PAFAH2: variants seen among roughly 807,000 people sequenced by gnomAD.
PAFAH2 encodes platelet activating factor acetylhydrolase 2.
In PAFAH2, 42 loss-of-function variants were observed where a neutral mutation model predicts 49.0. The observed-to-expected ratio is 0.86, with a 90% CI of 0.67 to 1.11. The LOEUF (loss-of-function observed/expected upper bound fraction) is 1.11. Ranked by LOEUF, PAFAH2 falls within the 50% of genes least tolerant of loss-of-function variation. The pLI, the probability that PAFAH2 is intolerant of heterozygous loss-of-function variation, is 0.00. For missense variants in PAFAH2, 503 were observed against 501.8 expected, an observed-to-expected ratio of 1.00 and a Z score of -0.02; for synonymous variants, 184 against 181.3, an observed-to-expected ratio of 1.01 and a Z score of -0.12.
chr1:25,980,794 G>A (rs2049675596), intron 7 of PAFAH2, among the ~76,000 whole-genome samples: 1 of 151,828 alleles, frequency 6.6e-6, no homozygotes, highest in South Asian at 2.1e-4. Flanking sequence ...AAGGCAGGTG[G>A]ACTGCCTGGG....
chr1:25,986,883 T>C (rs1331395202), intron 4 of PAFAH2, among the ~76,000 whole-genome samples: 1 of 152,154 alleles, frequency 6.6e-6, no homozygotes, highest in Non-Finnish European at 1.5e-5. Context: ...CAAATATTTA[T>C]TGAGTACCTA....
intron 9 of PAFAH2, 59 bp downstream of exon 9, chr1:25,974,421 C>T: frequency 7.1e-7 from 1 of 1,416,730 alleles, no homozygotes; most frequent in Non-Finnish European, 9.4e-7. Flanking sequence ...AAGTTAAGGG[C>T]ACCACAGCAA....
At chr1:25,978,425 C>T (rs921952736) in intron 7 of PAFAH2, among the ~76,000 whole-genome samples, 1 of 152,170 alleles carries the variant, frequency 6.6e-6, no homozygotes, top group African/African-American at 2.4e-5. Context: ...TATTTTTGTA[C>T]ATAACCACAT....
rs2049324673 is a variant in PAFAH2, at chr1:25,960,566, A to C, written c.*1423T>G. 3 of 152,696 alleles carry C rather than the reference A, an allele frequency of 2.0e-5. No homozygotes were observed. The highest frequency in any genetic ancestry group is 1.3e-4 in the Admixed American group (2 of 15,288). The allele number at this position is 152,696 out of a possible 1,614,324, so 9.5% of individuals were successfully genotyped here. A position where few individuals can be genotyped will look rare whatever the true frequency, so the allele number is the denominator to read the frequency against. On this transcript the variant is annotated 3_prime_UTR_variant, in exon 11 of 11. Transcript: ENST00000374282. ...AGAAAATTCCAACATAACATTAAGC[A>C]AACAAGAGTATTAATATCATTCATA...
Position 25,970,184 on chromosome 1 carries a change from C to T in PAFAH2, c.1084+2374G>A, listed in dbSNP as rs1038915675. ...AAGGCTAGTGTCCAGAGCACAGAGA[C>T]GGCCAGGCGCGATGGCTCACACCTG... On this transcript the variant is annotated intron_variant, in intron 10 of 10. Coordinates refer to ENST00000374282, the MANE Select transcript of PAFAH2 (RefSeq NM_000437.4). Among the ~76,000 whole-genome samples the T allele has an allele frequency of 5.9e-5, 9 of 152,256 alleles. No homozygotes were observed. In the South Asian group the frequency reaches 6.2e-4, roughly 11 times the overall value.
intron 10 of PAFAH2, among the ~76,000 whole-genome samples, chr1:25,962,649 C>A (rs2049356032): frequency 6.6e-6 from 1 of 151,928 alleles, no homozygotes. Context: ...CGTAGCAAGA[C>A]CTCAACTCTA....
chr1:25,989,683 G>A, intron 2 of PAFAH2, 82 bp from the exon 3 acceptor site: 2 of 1,194,226 alleles, frequency 1.7e-6, no homozygotes, highest in Non-Finnish European at 2.2e-6. Flanking sequence ...AGGTGTTTGG[G>A]GCACCAGCAA....
chr1:25,963,966 C>T (rs1475636128), intron 10 of PAFAH2, among the ~76,000 whole-genome samples: 2 of 152,096 alleles, frequency 1.3e-5, no homozygotes, highest in Non-Finnish European at 2.9e-5. Flanking sequence ...GTGCCTGGCG[C>T]GTTCGAGGCT....
intron 7 of PAFAH2, among the ~76,000 whole-genome samples, chr1:25,980,710 T>A (rs2049674040): frequency 6.6e-6 from 1 of 150,974 alleles, no homozygotes; most frequent in African/African-American, 2.4e-5. Flanking sequence ...TACAATACAA[T>A]ATGATATGGC....
chr1:25,982,609 C>T (rs2049708422), intron 6 of PAFAH2, 132 bp from the exon 7 acceptor site: 1 of 655,770 alleles, frequency 1.5e-6, no homozygotes, highest in East Asian at 2.8e-5. Flanking sequence ...ACCTTGGGTG[C>T]CATGTCCTGA....
Position 25,982,368 on chromosome 1 carries a change from A to C in PAFAH2, c.662T>G (p.Leu221Trp). The part of the protein sequence containing the change: ...ILPGGLDLMT[L>W]KGNIDMSRVA... ...TCATACCAATTGCTTCCATACCTTC[A>C]AAGTCATCAGATCCAAGCCACCAGG... Residue 221 changes from leucine (L) to tryptophan (W), a missense_variant, in exon 7 of 11, where the codon TTG becomes TGG. By Grantham distance (61) the Leu-to-Trp change is moderately conservative (BLOSUM62 -2). Transcript: ENST00000374282. 2 of 1,612,418 alleles carry C rather than the reference A, an allele frequency of 1.2e-6. No individual in the cohort carries two copies. The highest frequency in any genetic ancestry group is 2.7e-5 in the African/African-American group (2 of 74,996).
At chr1:25,992,080 C>T (rs1033062924) in intron 1 of PAFAH2, among the ~76,000 whole-genome samples, 2 of 144,022 alleles carry the variant, frequency 1.4e-5, no homozygotes, top group African/African-American at 4.9e-5. Flanking sequence ...AGTTACTGAA[C>T]TAAGCTTTTT....
chr1:25,995,783 TA>T (rs1228791875), intron 1 of PAFAH2, among the ~76,000 whole-genome samples: 4 of 152,200 alleles, frequency 2.6e-5, no homozygotes, highest in Non-Finnish European at 5.9e-5. Context: ...ACTCCGGGGG[TA>T]AAGATTGGGT....
intron 7 of PAFAH2, among the ~76,000 whole-genome samples, chr1:25,981,432 C>T (rs543964477): frequency 6.6e-6 from 1 of 152,078 alleles, no homozygotes; most frequent in African/African-American, 2.4e-5. Context: ...AATTCCATGG[C>T]CAGGATGGTT....
At chr1:25,963,804 C>T (rs961161791) in intron 10 of PAFAH2, among the ~76,000 whole-genome samples, 3 of 152,144 alleles carry the variant, frequency 2.0e-5, no homozygotes, top group African/African-American at 4.8e-5. Flanking sequence ...CCTGGCCAGG[C>T]CAATGTTTTA....
chr1:25,973,696 C>T (rs2049543676), intron 9 of PAFAH2, among the ~76,000 whole-genome samples: 1 of 152,218 alleles, frequency 6.6e-6, no homozygotes, highest in Admixed American at 6.5e-5. Context: ...TACTGCCGGC[C>T]CCAGTGCTCG....
chr1:25,986,018 T>C (rs894247694), intron 4 of PAFAH2, among the ~76,000 whole-genome samples: 1 of 152,232 alleles, frequency 6.6e-6, no homozygotes, highest in Non-Finnish European at 1.5e-5. Context: ...GGCACTGTCC[T>C]AGAAGCCAGA....
Position 25,970,031 on chromosome 1 carries a change from A to C in PAFAH2, c.1084+2527T>G, listed in dbSNP as rs556229575. Among the ~76,000 whole-genome samples the C allele has an allele frequency of 3.9e-5, 6 of 152,332 alleles. No individual in the cohort carries two copies. The South Asian group carries it at 1.2e-3, about 32-fold the overall frequency. On this transcript the variant is annotated intron_variant, in intron 10 of 10. Coordinates refer to ENST00000374282, the MANE Select transcript of PAFAH2 (RefSeq NM_000437.4). Reference sequence around the variant, plus strand: ...AGATGAAACGAACAGGCAGAAATATAAAAATGAAAATTTACTTCCAAAAAG... The same window carrying C: ...AGATGAAACGAACAGGCAGAAATATCAAAATGAAAATTTACTTCCAAAAAG...
At chr1:25,985,246 T>C (rs1222416191) in intron 4 of PAFAH2, among the ~76,000 whole-genome samples, 3 of 152,154 alleles carry the variant, frequency 2.0e-5, no homozygotes, top group African/African-American at 7.2e-5. Flanking sequence ...AGCTGAAAAA[T>C]AGGCATTCCT....
Sources: allele counts gnomAD v4.1 joint callset (sites outside exome capture counted in the v4.1 genomes callset), GRCh38; gene constraint gnomAD v4.1.1; transcripts MANE v1.5; gene names NCBI Gene and HGNC (gene_info 2026-07-23, HGNC 2026-07-21).